Variants in LRP1B observed in about 807,000 individuals in gnomAD.
The protein encoded by LRP1B is LDL receptor related protein 1B.
Under a neutral mutation model 556.6 loss-of-function variants are expected in LRP1B, and 217 were observed. The observed-to-expected ratio is 0.39, with a 90% CI of 0.35 to 0.44. The LOEUF (loss-of-function observed/expected upper bound fraction) is 0.44. Ranked by LOEUF, LRP1B falls within the 20% of genes least tolerant of loss-of-function variation. The pLI is 1.00. For synonymous variants in LRP1B, 2,047 were observed against 1,865.8 expected (o/e 1.10, Z -2.50); for missense variants, 5,053 against 5,620.8 (o/e 0.90, Z 3.23).
At chr2:140,235,027 A>G in intron 89 of LRP1B, 143 bp from the exon 90 acceptor site, 1 of 428,632 alleles carries the variant, frequency 2.3e-6, no homozygotes, top group South Asian at 6.1e-5. Flanking sequence ...GTTAGCTTTA[A>G]CAACTTAAAA....
rs926087670 is a variant in LRP1B at position 140,340,688 on chromosome 2, A to C, written c.11893-4850T>G. On this transcript the variant is annotated intron_variant, in intron 77 of 90. Transcript: ENST00000389484. Reference sequence around the variant, plus strand: ...TTAAAAAAAAAAATAAGTAGATTCTAACTTTTAAAATTAACATGTCACATT... The same window carrying C: ...TTAAAAAAAAAAATAAGTAGATTCTCACTTTTAAAATTAACATGTCACATT... Among the ~76,000 whole-genome samples the C allele has an allele frequency of 1.1e-4, 17 of 151,558 alleles. 1 individual carries two copies. The highest frequency in any genetic ancestry group is 4.1e-4 in the African/African-American group (17 of 41,380).
chr2:140,458,998 T>C (rs1687212141), intron 60 of LRP1B, among the ~76,000 whole-genome samples: 1 of 152,040 alleles, frequency 6.6e-6, no homozygotes, highest in Non-Finnish European at 1.5e-5. Context: ...TCAGAACAGA[T>C]ACTAATCATA....
chr2:141,569,279 T>C (rs981208303), intron 2 of LRP1B, among the ~76,000 whole-genome samples: 1 of 150,566 alleles, frequency 6.6e-6, no homozygotes, highest in Non-Finnish European at 1.5e-5. Context: ...TGTTAAGAGA[T>C]GGGGGTTAGG....
chr2:141,537,112 G>A (rs1364388941), intron 2 of LRP1B, among the ~76,000 whole-genome samples: 1 of 151,994 alleles, frequency 6.6e-6, no homozygotes, highest in African/African-American at 2.4e-5. Context: ...ATGCCTCTTT[G>A]TTTAAAACAT....
intron 43 of LRP1B, among the ~76,000 whole-genome samples, chr2:140,582,444 G>A (rs1032434595): frequency 6.6e-6 from 1 of 152,140 alleles, no homozygotes; most frequent in African/African-American, 2.4e-5. Flanking sequence ...GCTACGGTTC[G>A]AATGTCTTCC....
At chr2:140,470,885 G>C (rs1687742055) in intron 60 of LRP1B, among the ~76,000 whole-genome samples, 1 of 152,052 alleles carries the variant, frequency 6.6e-6, no homozygotes, top group Non-Finnish European at 1.5e-5. Context: ...GAGGTTCCCA[G>C]ACTTCTTTTA....
rs184387989 is a variant in LRP1B, at chr2:141,651,277, T to C, written c.205+159002A>G. Among the ~76,000 whole-genome samples the C allele has an allele frequency of 2.8e-4, 43 of 152,254 alleles. 1 individual carries two copies. Among genetic ancestry groups the C allele is most frequent in the Admixed American group, 2.4e-3 (36 of 15,282 alleles). On this transcript the variant is annotated intron_variant, in intron 2 of 90. Transcript: ENST00000389484. ...ATAAAAGTAAAATGAAAAAAGTCTG[T>C]AAACATGTAGCAAGGATTGCCAGAC... is the stretch of plus-strand genomic sequence containing the variant.
chr2:140,748,799 C>CATGTATATGATATATATCATAT (rs1559094721), intron 35 of LRP1B, among the ~76,000 whole-genome samples: 15 of 18,430 alleles, frequency 8.1e-4, no homozygotes, highest in Admixed American at 2.4e-3. Context: ...ATATTATATA[C>CATGTATATGATATATATCATAT]ATATTATATA....
At chr2:140,711,820 C>G (rs1687040016) in intron 37 of LRP1B, among the ~76,000 whole-genome samples, 2 of 152,138 alleles carry the variant, frequency 1.3e-5, no homozygotes, top group Non-Finnish European at 2.9e-5. Flanking sequence ...TACATTTGAT[C>G]TCCGCATTCT....
chr2:141,252,480 T>C (rs1316270707), intron 4 of LRP1B, among the ~76,000 whole-genome samples: 1 of 152,182 alleles, frequency 6.6e-6, no homozygotes, highest in Non-Finnish European at 1.5e-5. Context: ...CTTTTGGTGA[T>C]AGAAAAAATA....
At chr2:140,454,347 C>T (rs1370632412) in intron 62 of LRP1B, among the ~76,000 whole-genome samples, 2 of 152,012 alleles carry the variant, frequency 1.3e-5, no homozygotes, top group East Asian at 3.9e-4. Context: ...GACGAGGTTT[C>T]ACTACGTTGG....
At chr2:141,451,810 A>G (rs1573960313) in intron 3 of LRP1B, among the ~76,000 whole-genome samples, 1 of 152,200 alleles carries the variant, frequency 6.6e-6, no homozygotes, top group South Asian at 2.1e-4. Context: ...TATTTTGCCA[A>G]TACTAGCTTT....
chr2:140,748,127 A>ATGTGTG (rs1688385996), intron 35 of LRP1B, among the ~76,000 whole-genome samples: 1 of 68,834 alleles, frequency 1.5e-5, no homozygotes, highest in East Asian at 5.0e-4. Context: ...ATATATATAT[A>ATGTGTG]TATATATATA....
chr2:141,894,992 G>A (rs1699403837), intron 1 of LRP1B, among the ~76,000 whole-genome samples: 1 of 143,916 alleles, frequency 6.9e-6, no homozygotes, highest in East Asian at 2.1e-4. Flanking sequence ...AGGTTGCAGT[G>A]AGTTGAGTTC....
chr2:141,051,720 T>C (rs528340335), intron 10 of LRP1B, among the ~76,000 whole-genome samples: 1 of 152,180 alleles, frequency 6.6e-6, no homozygotes, highest in East Asian at 1.9e-4. Flanking sequence ...AACACATATG[T>C]AGTGTATTTC....
chr2:141,187,188 G>C lies in LRP1B; in HGVS notation c.1013+1233C>G, dbSNP rs551848922. 4.6e-5 allele frequency among the ~76,000 whole-genome samples: 7 copies of C among 152,166 alleles called. 1 individual carries two copies. In the South Asian group the frequency reaches 1.5e-3, roughly 32 times the overall value. ...TGAAGCATCACTGCAGTCAGATTGAGTCAAGTAACCATCTGCTGCAAATAC... is the reference window on the plus strand; with the variant it reads ...TGAAGCATCACTGCAGTCAGATTGACTCAAGTAACCATCTGCTGCAAATAC... On this transcript the variant is annotated intron_variant, in intron 7 of 90. Transcript: ENST00000389484.
chr2:140,902,521 G>T (rs1694133860), intron 23 of LRP1B, among the ~76,000 whole-genome samples: 1 of 152,066 alleles, frequency 6.6e-6, no homozygotes. Flanking sequence ...TTAGATAAGT[G>T]GTTAGAAGAT....
chr2:141,284,026 G>C (rs1407530946), intron 3 of LRP1B, among the ~76,000 whole-genome samples: 4 of 152,158 alleles, frequency 2.6e-5, no homozygotes, highest in Admixed American at 2.0e-4. Context: ...GTTTTACAGA[G>C]TGCAATGTTA....
chr2:140,748,778 GTATATA>G (rs1224579347), intron 35 of LRP1B, among the ~76,000 whole-genome samples: 1 of 61,330 alleles, frequency 1.6e-5, no homozygotes, highest in Non-Finnish European at 3.8e-5. Flanking sequence ...TATATAATAT[GTATATA>G]ATATATATTA....
Sources: allele counts gnomAD v4.1 joint callset (sites outside exome capture counted in the v4.1 genomes callset), GRCh38; gene constraint gnomAD v4.1.1; transcripts MANE v1.5; gene names NCBI Gene and HGNC (gene_info 2026-07-23, HGNC 2026-07-21).